TRPM3: variants seen among roughly 807,000 people sequenced by gnomAD.
TRPM3 encodes long transient receptor potential channel 3.
Under a neutral mutation model 181.2 loss-of-function variants are expected in TRPM3, and 77 were observed. The observed-to-expected ratio is 0.42, with a 90% CI of 0.35 to 0.51. TRPM3 has a LOEUF of 0.51. TRPM3 is among the 20% of genes least tolerant of loss of function. The pLI is 0.01. For missense variants in TRPM3, 1,759 were observed against 2,196.7 expected, an observed-to-expected ratio of 0.80 and a Z score of 3.98; for synonymous variants, 745 against 796.4, an observed-to-expected ratio of 0.94 and a Z score of 1.09.
chr9:71,156,044 C>A (rs879903346), intron 1 of TRPM3, among the ~76,000 whole-genome samples: 7 of 152,036 alleles, frequency 4.6e-5, no homozygotes, highest in Non-Finnish European at 7.4e-5. Flanking sequence ...TTAAACTCCC[C>A]TTATAATCCT....
chr9:71,429,927 T>C (rs1324756712), intron 1 of TRPM3, among the ~76,000 whole-genome samples: 2 of 152,096 alleles, frequency 1.3e-5, no homozygotes, highest in Non-Finnish European at 2.9e-5. Context: ...GGAATGTCCT[T>C]TCCCTCATTT....
In TRPM3 at chr9:70,681,590, G is replaced by C. The variant is rs1404038010; in HGVS notation, c.1273-12C>G. The C allele has an allele frequency of 1.2e-6, 2 of 1,613,060 alleles. No individual in the cohort carries two copies. The highest frequency in any genetic ancestry group is 1.7e-6 in the Non-Finnish European group (2 of 1,179,102). On this transcript the variant is annotated splice_polypyrimidine_tract_variant and intron_variant, in intron 8 of 25. Transcript: ENST00000677713. Reference sequence around the variant, plus strand: ...CGAAATACCGTAATCTGCAATTTGAGACAAGGTGATCATTAGCAAAGCATT... The same window carrying C: ...CGAAATACCGTAATCTGCAATTTGACACAAGGTGATCATTAGCAAAGCATT...
At chr9:71,438,345 A>T (rs1816358) in intron 1 of TRPM3, among the ~76,000 whole-genome samples, 86,355 of 151,710 alleles carry the variant, frequency 0.57, 29,356 homozygotes, top group Non-Finnish European at 0.77. Flanking sequence ...AGTTTTTTTT[A>T]AAATTTGATA....
In TRPM3 at chr9:70,588,942, A is replaced by G. The variant is rs1049103348; in HGVS notation, c.3223+2089T>C. 5.1e-4 allele frequency among the ~76,000 whole-genome samples: 77 copies of G among 152,222 alleles called. 2 individuals carry two copies. Among genetic ancestry groups the G allele is most frequent in the Non-Finnish European group, 8.8e-5 (6 of 68,042 alleles). On this transcript the variant is annotated intron_variant, in intron 22 of 25. Coordinates refer to ENST00000677713, the MANE Select transcript of TRPM3 (RefSeq NM_001366145.2). The stretch of plus-strand genomic sequence containing the variant: ...AAGGACAAATACTCACTAGCACTAG[A>G]CAGAAAACTGGCTGATTTAGCTTAG...
chr9:70,767,495 A>G (rs1380828227), intron 7 of TRPM3, among the ~76,000 whole-genome samples: 1 of 152,206 alleles, frequency 6.6e-6, no homozygotes, highest in Non-Finnish European at 1.5e-5. Context: ...TTTATGTAAA[A>G]CAGCACTTAT....
chr9:70,589,227 C>A (rs1317062701), intron 22 of TRPM3, among the ~76,000 whole-genome samples: 6 of 152,216 alleles, frequency 3.9e-5, no homozygotes, highest in Admixed American at 3.9e-4. Flanking sequence ...ATCAGCCCTT[C>A]TTTTAAAATA....
At chr9:70,664,773 C>T (rs943210007) in intron 9 of TRPM3, among the ~76,000 whole-genome samples, 1 of 150,358 alleles carries the variant, frequency 6.7e-6, no homozygotes, top group Non-Finnish European at 1.5e-5. Context: ...GCCTCAGTCT[C>T]CCAAGTAGCT....
chr9:71,401,569 C>T (rs748039910), intron 1 of TRPM3, among the ~76,000 whole-genome samples: 8 of 152,120 alleles, frequency 5.3e-5, no homozygotes, highest in Non-Finnish European at 1.2e-4. Flanking sequence ...AGAACTTACC[C>T]TTGATGAGGT....
intron 22 of TRPM3, among the ~76,000 whole-genome samples, chr9:70,569,792 G>A (rs1347560089): frequency 6.6e-6 from 1 of 152,164 alleles, no homozygotes; most frequent in East Asian, 1.9e-4. Context: ...GGGTAGAGCA[G>A]GGCCAACAAT....
chr9:71,092,302 G>T (rs1269635173), intron 1 of TRPM3, among the ~76,000 whole-genome samples: 2 of 152,136 alleles, frequency 1.3e-5, no homozygotes, highest in Non-Finnish European at 2.9e-5. Flanking sequence ...CTGGAACTCT[G>T]CAGTGGAGCA....
At chr9:70,580,009 T>C (rs552296355) in intron 22 of TRPM3, among the ~76,000 whole-genome samples, 1 of 152,350 alleles carries the variant, frequency 6.6e-6, no homozygotes, top group Admixed American at 6.5e-5. Context: ...TCAGCTATTT[T>C]GGGGGTTGAG....
chr9:71,362,081 T>G (rs1362077645), intron 1 of TRPM3, among the ~76,000 whole-genome samples: 1 of 152,136 alleles, frequency 6.6e-6, no homozygotes, highest in Non-Finnish European at 1.5e-5. Flanking sequence ...GGCTGCTAAA[T>G]CCCAGCTAAT....
At chr9:71,238,812 G>A (rs949476405) in intron 1 of TRPM3, among the ~76,000 whole-genome samples, 1 of 152,092 alleles carries the variant, frequency 6.6e-6, no homozygotes, top group African/African-American at 2.4e-5. Context: ...CCCTTCACCT[G>A]TGGAAGGCAT....
At chr9:70,664,318 T>C (rs2061514829) in intron 9 of TRPM3, among the ~76,000 whole-genome samples, 1 of 152,174 alleles carries the variant, frequency 6.6e-6, no homozygotes, top group Non-Finnish European at 1.5e-5. Flanking sequence ...ACACATAGAA[T>C]TGCTGATCAG....
At chr9:71,124,202 C>G (rs1392247818), upstream of TRPM3, among the ~76,000 whole-genome samples, 1 of 151,352 alleles carries the variant, frequency 6.6e-6, no homozygotes, top group East Asian at 1.9e-4. Context: ...TGTTTGCTAT[C>G]AAAACATCTA....
chr9:71,110,650 T>C (rs1040853056), intron 1 of TRPM3, among the ~76,000 whole-genome samples: 6 of 152,216 alleles, frequency 3.9e-5, no homozygotes, highest in Non-Finnish European at 5.9e-5. Flanking sequence ...TATTCTCTCA[T>C]TTTATAGATG....
chr9:71,118,775 G>A (rs1293975383), intron 1 of TRPM3, among the ~76,000 whole-genome samples: 1 of 152,026 alleles, frequency 6.6e-6, no homozygotes, highest in Non-Finnish European at 1.5e-5. Context: ...TTAACATAGT[G>A]GTGGTAGTAT....
At chr9:71,387,608 A>G (rs1165770344) in intron 1 of TRPM3, among the ~76,000 whole-genome samples, 1 of 152,138 alleles carries the variant, frequency 6.6e-6, no homozygotes, top group East Asian at 1.9e-4. Context: ...AAAAAGGAAA[A>G]CTTCTTTTGA....
intron 6 of TRPM3, among the ~76,000 whole-genome samples, chr9:70,797,943 C>T (rs1018826345): frequency 1.3e-5 from 2 of 152,258 alleles, no homozygotes; most frequent in Admixed American, 6.5e-5. Context: ...AAAGTCCCAT[C>T]TGTTCACTTG....
Sources: allele counts gnomAD v4.1 joint callset (sites outside exome capture counted in the v4.1 genomes callset), GRCh38; gene constraint gnomAD v4.1.1; transcripts MANE v1.5; gene names NCBI Gene and HGNC (gene_info 2026-07-23, HGNC 2026-07-21).